Variants in CXorf58 observed in about 807,000 individuals in gnomAD.
The protein encoded by CXorf58 is chromosome X open reading frame 58.
A neutral mutation model predicts 26.0 loss-of-function variants in CXorf58; 24 were observed. The observed-to-expected ratio is 0.92, with a 90% CI of 0.67 to 1.30. CXorf58 has a LOEUF of 1.30. Ranked by LOEUF, CXorf58 falls within the 50% of genes most tolerant of loss-of-function variation. The pLI is 0.00. For synonymous variants in CXorf58, 87 were observed against 86.1 expected (o/e 1.01, Z -0.06); for missense variants, 236 against 263.9 (o/e 0.89, Z 0.73).
rs752970734 is a variant in CXorf58, at chrX:23,930,196, C to CA, written c.555+2847dup. 9.4e-3 allele frequency among the ~76,000 whole-genome samples: 345 copies of CA among 36,736 alleles called. 34 individuals carry two copies. The highest frequency in any genetic ancestry group is 0.023 in the African/African-American group (180 of 7,740). 31.9% of individuals were successfully genotyped at this position (36,736 alleles called of 115,157 possible). ...TGGGTGACAGGGCAAGACTCTGTCT[C>CA]AAAAAAAAAAAAAAAAAAAAAGAAA... On this transcript the variant is annotated intron_variant, in intron 6 of 8. Transcript: ENST00000379211.
At chrX:23,934,235 C>T (rs1928237397) in intron 6 of CXorf58, among the ~76,000 whole-genome samples, 1 of 111,781 alleles carries the variant, frequency 8.9e-6, no homozygotes, top group African/African-American at 3.3e-5. Flanking sequence ...TAGCTCCTGC[C>T]TTCCAATAAG....
intron 5 of CXorf58, among the ~76,000 whole-genome samples, 179 bp from the exon 6 acceptor site, chrX:23,927,060 T>C (rs1456466614): frequency 8.9e-6 from 1 of 112,028 alleles, no homozygotes; most frequent in Non-Finnish European, 1.9e-5. Flanking sequence ...GAAACAATTT[T>C]AAGTGGTTTA....
At chrX:23,930,717 A>C (rs935686374) in intron 6 of CXorf58, among the ~76,000 whole-genome samples, 9 of 111,018 alleles carry the variant, frequency 8.1e-5, no homozygotes, top group African/African-American at 2.9e-4. Flanking sequence ...AATAGGACTC[A>C]CTGAAGGCTC....
At chrX:23,910,062 C>A (rs994658694) in intron 1 of CXorf58, among the ~76,000 whole-genome samples, 1 of 111,497 alleles carries the variant, frequency 9.0e-6, no homozygotes, top group Non-Finnish European at 1.9e-5. Flanking sequence ...GGAGACAGAC[C>A]AGTTAGAAGG....
chrX:23,937,786 G>A (rs774493519), intron 7 of CXorf58, among the ~76,000 whole-genome samples: 1 of 111,224 alleles, frequency 9.0e-6, no homozygotes, highest in Admixed American at 9.6e-5. Context: ...TGAAAGTTGA[G>A]TCTATGTTCC....
At position 23,935,321 on chromosome X, in the gene CXorf58, T is replaced by A. The variant is rs1279021037; in HGVS notation, c.681T>A (p.Ser227=). 1.7e-6 allele frequency: 2 copies of A among 1,209,021 alleles called. No homozygotes were observed. The highest frequency in any genetic ancestry group is 3.5e-5 in the African/African-American group (2 of 57,794). ...LMYDIVHYSE[S]GVISNRLRNE... ...ATGACATAGTTCATTATTCAGAGTC[T>A]GGAGTGATCTCAAACCGTCTACGAA... The change falls in exon 7 of 9, where the codon TCT becomes TCA. Residue 227 remains serine (S), a synonymous_variant. Coordinates refer to ENST00000379211, the MANE Select transcript of CXorf58 (RefSeq NM_152761.3).
chrX:23,909,505 A>G (rs762149007), intron 1 of CXorf58, among the ~76,000 whole-genome samples: 12 of 112,189 alleles, frequency 1.1e-4, no homozygotes, highest in Non-Finnish European at 2.1e-4. Flanking sequence ...TTGTTTTAAA[A>G]AATATTTTGA....
intron 5 of CXorf58, among the ~76,000 whole-genome samples, chrX:23,924,548 C>A (rs774797628): frequency 9.1e-6 from 1 of 109,291 alleles, no homozygotes; most frequent in African/African-American, 3.3e-5. Flanking sequence ...GAATCGAACC[C>A]CTGACCTCAG....
At chrX:23,917,782 C>A (rs754963748) in intron 5 of CXorf58, among the ~76,000 whole-genome samples, 2 of 112,450 alleles carry the variant, frequency 1.8e-5, no homozygotes. Context: ...ATAGGAATCA[C>A]CTGGGAATCT....
chrX:23,924,152 G>A (rs1015046454), intron 5 of CXorf58, among the ~76,000 whole-genome samples: 2 of 111,508 alleles, frequency 1.8e-5, no homozygotes, highest in African/African-American at 6.5e-5. Flanking sequence ...AATTCCTAAA[G>A]CAGAAATTAT....
chrX:23,932,949 T>C (rs1359208445), intron 6 of CXorf58, among the ~76,000 whole-genome samples: 1 of 110,359 alleles, frequency 9.1e-6, no homozygotes, highest in Admixed American at 9.7e-5. Flanking sequence ...GAGCCGAGAT[T>C]GCGCCGCTGC....
Position 23,916,206 on chromosome X carries a change from C to A in CXorf58, c.312-11C>A, listed in dbSNP as rs774516067. On this transcript the variant is annotated splice_polypyrimidine_tract_variant and intron_variant, in intron 4 of 8. Coordinates refer to ENST00000379211, the MANE Select transcript of CXorf58 (RefSeq NM_152761.3). ...TGATGCCAAATAACTAAATTTTTAT[C>A]TTTATTTCAGATTTAGAGGTGAAAC... 4 of 1,117,739 alleles carry A rather than the reference C, an allele frequency of 3.6e-6. No individual in the cohort carries two copies. Among genetic ancestry groups the A allele is most frequent in the Middle Eastern group, 2.6e-4 (1 of 3,902 alleles). 92.1% of individuals were successfully genotyped at this position (1,117,739 alleles called of 1,213,427 possible).
chrX:23,935,063 C>T, intron 6 of CXorf58, 133 bp from the exon 7 acceptor site: 1 of 490,707 alleles, frequency 2.0e-6, no homozygotes, highest in Non-Finnish European at 3.5e-6. Flanking sequence ...TGGGTTTTCA[C>T]CATGTTGGCC....
rs760983710 is a variant in CXorf58, at chrX:23,928,176, G to A, written c.555+806G>A. On this transcript the variant is annotated intron_variant, in intron 6 of 8. Coordinates refer to ENST00000379211, the MANE Select transcript of CXorf58 (RefSeq NM_152761.3). ...TTGTGAATATACTAAAAACCATTGA[G>A]TTACATACTTTTTTTTTTTTTGAGA... 4.6e-5 allele frequency among the ~76,000 whole-genome samples: 5 copies of A among 109,291 alleles called. No homozygotes were observed. In the Admixed American group the frequency reaches 4.9e-4, roughly 11 times the overall value. The allele number at this position is 109,291 out of a possible 115,157, so 94.9% of individuals were successfully genotyped here. A position where few individuals can be genotyped will look rare whatever the true frequency, so the allele number is the denominator to read the frequency against.
chrX:23,916,418 T>G (rs1927723717), intron 5 of CXorf58, 90 bp downstream of exon 5: 1 of 558,739 alleles, frequency 1.8e-6, no homozygotes, highest in African/African-American at 2.5e-5. Context: ...CAGAATAAGT[T>G]ATTTCACCAT....
Position 23,914,906 on chromosome X carries a change from G to A in CXorf58, c.217-794G>A, listed in dbSNP as rs745869430. The stretch of plus-strand genomic sequence containing the variant: ...TCCCAGCACTTTGGGAGGCTGAGGC[G>A]TGCGGCTCACAAGGTCAGGAGTTCC... On this transcript the variant is annotated intron_variant, in intron 3 of 8. Coordinates refer to ENST00000379211, the MANE Select transcript of CXorf58 (RefSeq NM_152761.3). Among the ~76,000 whole-genome samples, 3 of 110,586 alleles carry A rather than the reference G, an allele frequency of 2.7e-5. No individual in the cohort carries two copies. The South Asian group carries it at 1.2e-3, about 43-fold the overall frequency.
At chrX:23,916,900 A>AT (rs1927742462) in intron 5 of CXorf58, among the ~76,000 whole-genome samples, 1 of 110,523 alleles carries the variant, frequency 9.0e-6, no homozygotes. Context: ...AAAAAAAAAA[A>AT]AAAGACTAAA....
chrX:23,938,600 A>C lies in CXorf58; in HGVS notation c.839A>C (p.Gln280Pro). ...TATCGGCCCTACAAACAGCAAAATCAAGTTAAATTTCTGGGTCGTCGATCC... is the reference window on the plus strand; with the variant it reads ...TATCGGCCCTACAAACAGCAAAATCCAGTTAAATTTCTGGGTCGTCGATCC... ...PLYRPYKQQN[Q>P]VKFLGRRSKQ... The change falls in exon 8 of 9, where the codon CAA (glutamine) becomes CCA (proline). Residue 280 changes from glutamine to proline, a missense_variant. Transcript: ENST00000379211. 1 of 1,199,001 alleles carries C rather than the reference A, an allele frequency of 8.3e-7. No individual in the cohort carries two copies. Among genetic ancestry groups the C allele is most frequent in the South Asian group, 1.8e-5 (1 of 55,067 alleles).
intron 7 of CXorf58, 26 bp from the exon 8 acceptor site, chrX:23,938,521 C>T: frequency 1.9e-6 from 2 of 1,070,330 alleles, no homozygotes; most frequent in East Asian, 3.3e-5. Flanking sequence ...TGTGATTTTT[C>T]TGTTTTTAAT....
Sources: gnomAD v4.1 joint callset for allele counts (sites outside exome capture counted in the v4.1 genomes callset) on GRCh38, gnomAD v4.1.1 for gene constraint, MANE v1.5 for transcripts, NCBI Gene and HGNC (gene_info 2026-07-23, HGNC 2026-07-21) for gene names.